The following ZNF83 variants were observed in gnomAD, a reference collection of about 807,000 sequenced individuals.
The protein encoded by ZNF83 is zinc finger protein 816B.
For synonymous variants in ZNF83, 209 were observed against 213.0 expected, an observed-to-expected ratio of 0.98 and a Z score of 0.17; for missense variants, 552 against 629.9, an observed-to-expected ratio of 0.88 and a Z score of 1.32.
At chr19:52,667,282 T>C (rs2061667852) in intron 1 of ZNF83, among the ~76,000 whole-genome samples, 3 of 150,754 alleles carry the variant, frequency 2.0e-5, no homozygotes, top group Non-Finnish European at 3.0e-5. Context: ...TGTTATATGG[T>C]AAATTCTTGT....
upstream of ZNF83, among the ~76,000 whole-genome samples, chr19:52,643,360 GAAAA>G (rs35849256): frequency 1.5e-5 from 2 of 136,340 alleles, no homozygotes; most frequent in African/African-American, 2.8e-5. Flanking sequence ...GTCTCAAATA[GAAAA>G]AAAAAAAAAA....
At chr19:52,672,866 G>C (rs577689554) in intron 1 of ZNF83, among the ~76,000 whole-genome samples, 1 of 152,154 alleles carries the variant, frequency 6.6e-6, no homozygotes, top group African/African-American at 2.4e-5. Context: ...ATGAGCCACC[G>C]TGCATGGCAA....
At chr19:52,624,943 G>A (rs1324570790) in intron 2 of ZNF83, among the ~76,000 whole-genome samples, 1 of 151,886 alleles carries the variant, frequency 6.6e-6, no homozygotes, top group Non-Finnish European at 1.5e-5. Context: ...CATTGTTCCT[G>A]GCCCAGACAT....
chr19:52,613,688 C>A lies in ZNF83; in HGVS notation c.877G>T (p.Glu293Ter). 1 of 1,392,440 alleles carries A rather than the reference C, an allele frequency of 7.2e-7. No individual in the cohort carries two copies. Among genetic ancestry groups the A allele is most frequent in the Admixed American group, 2.6e-5 (1 of 38,150 alleles). 86.3% of individuals were successfully genotyped at this position (1,392,440 alleles called of 1,614,324 possible). Reference sequence around the variant, plus strand: ...TTGTGACTGAAGACCTTGCCACACTCATTACATTTGTAAGGTTTCTCTCCA... The same window carrying A: ...TTGTGACTGAAGACCTTGCCACACTAATTACATTTGTAAGGTTTCTCTCCA... The change falls in exon 3 of 3, where the codon GAG (glutamate) becomes TAG (stop). Residue 293 changes from glutamate (E) to a stop codon, truncating the protein, a stop_gained. Coordinates refer to ENST00000301096, the Ensembl canonical transcript of ZNF83. LOFTEE classifies it low-confidence loss of function (END_TRUNC).
chr19:52,636,741 G>A (rs1471000178), intron 1 of ZNF83: 1 of 151,986 alleles, frequency 6.6e-6, no homozygotes, highest in African/African-American at 2.4e-5. Flanking sequence ...CTGCAGCCTG[G>A]ACCTCCTGGG....
At chr19:52,614,404 G>T in exon 3 of ZNF83, 1 of 1,613,458 alleles carries the variant, frequency 6.2e-7, no homozygotes, top group Non-Finnish European at 8.5e-7. Flanking sequence ...TTGGGGTGGG[G>T]AAACTAAGGA....
chr19:52,658,347 C>T (rs1468623744), intron 2 of ZNF83, among the ~76,000 whole-genome samples: 2 of 152,114 alleles, frequency 1.3e-5, no homozygotes, highest in Non-Finnish European at 2.9e-5. Context: ...GTGGGGATCA[C>T]CTGAGGTCAG....
intron 2 of ZNF83, among the ~76,000 whole-genome samples, chr19:52,633,097 A>G (rs779039044): frequency 1.7e-4 from 26 of 152,188 alleles, no homozygotes; most frequent in Non-Finnish European, 1.6e-4. Flanking sequence ...TGACCTGCAC[A>G]TACACATCCA....
chr19:52,661,472 C>T (rs192870908), intron 1 of ZNF83, among the ~76,000 whole-genome samples: 1 of 152,282 alleles, frequency 6.6e-6, no homozygotes, highest in Admixed American at 6.5e-5. Context: ...CCTCAGTTCT[C>T]AATATGGGGG....
intron 2 of ZNF83, among the ~76,000 whole-genome samples, chr19:52,633,141 T>TAC (rs2061027813): frequency 6.6e-6 from 1 of 152,122 alleles, no homozygotes; most frequent in Non-Finnish European, 1.5e-5. Context: ...GATGACATCG[T>TAC]CTTGTGAAAT....
intron 2 of ZNF83, among the ~76,000 whole-genome samples, chr19:52,630,938 C>T (rs1473762661): frequency 6.6e-6 from 1 of 150,944 alleles, no homozygotes; most frequent in African/African-American, 2.4e-5. Context: ...AATTGTTTTG[C>T]CTATCCACCC....
At chr19:52,621,431 TG>T (rs375237616) in intron 2 of ZNF83, among the ~76,000 whole-genome samples, 9 of 138,900 alleles carry the variant, frequency 6.5e-5, no homozygotes, top group African/African-American at 2.1e-4. Context: ...GTCACGGACT[TG>T]GGAAGACAGT....
At chr19:52,663,001 A>G (rs899113457) in intron 1 of ZNF83, among the ~76,000 whole-genome samples, 13 of 152,038 alleles carry the variant, frequency 8.6e-5, no homozygotes, top group African/African-American at 2.9e-4. Context: ...CGTCTCTATG[A>G]AAAGTACAAA....
At chr19:52,613,977 TTGA>T (rs1450972745) in exon 3 of ZNF83, 1 of 1,612,616 alleles carries the variant, frequency 6.2e-7, no homozygotes. Context: ...TATGAATTCT[TTGA>T]TGTTGTGCAA....
At chr19:52,648,622 A>G (rs1420418818) in intron 3 of ZNF83, among the ~76,000 whole-genome samples, 3 of 152,176 alleles carry the variant, frequency 2.0e-5, no homozygotes, top group African/African-American at 7.2e-5. Flanking sequence ...AGACTCATAC[A>G]ATATAAGCCC....
intron 1 of ZNF83, among the ~76,000 whole-genome samples, chr19:52,671,812 G>A (rs978459741): frequency 2.0e-5 from 3 of 152,074 alleles, no homozygotes; most frequent in African/African-American, 7.3e-5. Flanking sequence ...AATAACAAAG[G>A]CTATAAAATA....
chr19:52,622,045 C>T (rs778374260), intron 2 of ZNF83, among the ~76,000 whole-genome samples: 29 of 152,004 alleles, frequency 1.9e-4, no homozygotes, highest in Non-Finnish European at 4.0e-4. Context: ...TACCTCTCTC[C>T]CCCTCCCCAG....
intron 1 of ZNF83, among the ~76,000 whole-genome samples, chr19:52,677,776 G>A (rs1331189380): frequency 1.3e-5 from 2 of 152,102 alleles, no homozygotes; most frequent in African/African-American, 4.8e-5. Context: ...GCTCATGCCT[G>A]TAGTCCCAAC....
intron 3 of ZNF83, chr19:52,650,460 TG>T (rs1291006798): frequency 1.3e-5 from 2 of 152,204 alleles, no homozygotes; most frequent in Non-Finnish European, 2.9e-5. Context: ...TTTCTCCATG[TG>T]GGTCAGGCTG....
Sources: allele counts gnomAD v4.1 joint callset (sites outside exome capture counted in the v4.1 genomes callset), GRCh38; gene constraint gnomAD v4.1.1; transcripts MANE v1.5; gene names NCBI Gene and HGNC (gene_info 2026-07-23, HGNC 2026-07-21).